NCOR1: variants seen among roughly 807,000 people sequenced by gnomAD.
NCOR1 encodes the protein nuclear receptor corepressor 1.
In NCOR1, 63 loss-of-function variants were observed where a neutral mutation model predicts 288.1. That is an observed-to-expected ratio of 0.22 (90% CI 0.18 to 0.27). The LOEUF is 0.27. NCOR1 is among the 10% of genes least tolerant of loss of function. The pLI is 1.00. For synonymous variants in NCOR1, 1,007 were observed against 1,065.9 expected (o/e 0.94, Z 1.08); for missense variants, 2,397 against 3,019.2 (o/e 0.79, Z 4.83).
chr17:16,060,545 C>CT (rs2060435217), intron 37 of NCOR1, among the ~76,000 whole-genome samples: 1 of 152,212 alleles, frequency 6.6e-6, no homozygotes, highest in African/African-American at 2.4e-5. Flanking sequence ...CTACACAACA[C>CT]TAACTCTCTC....
At chr17:16,050,656 A>G (rs2059202325) in intron 40 of NCOR1, among the ~76,000 whole-genome samples, 1 of 152,192 alleles carries the variant, frequency 6.6e-6, no homozygotes, top group Non-Finnish European at 1.5e-5. Flanking sequence ...CAGCCCATCC[A>G]GTTGTTCAAG....
In NCOR1 at chr17:16,158,843, G is replaced by A. The variant is rs1448298815; in HGVS notation, c.649C>T (p.Pro217Ser). ...QQLEEEAAKP[P>S]EPEKPVSPPP... Reference sequence around the variant, plus strand: ...GGGGACACGGGCTTCTCAGGCTCAGGAGGTTTAGCTGCCTCTTCTTCAAGC... The same window carrying A: ...GGGGACACGGGCTTCTCAGGCTCAGAAGGTTTAGCTGCCTCTTCTTCAAGC... The change falls in exon 6 of 46, where the codon CCT (proline) becomes TCT (serine). Residue 217 changes from proline (P) to serine (S), a missense_variant. Pro to Ser is a moderately conservative substitution (Grantham distance 74). This residue lies in a region of NCOR1 where 76 missense variants were observed against 102.2 expected (regional missense o/e 0.74). Coordinates refer to ENST00000268712, the MANE Select transcript of NCOR1 (RefSeq NM_006311.4). 4.3e-6 allele frequency: 7 copies of A among 1,614,068 alleles called. No homozygotes were observed. Among genetic ancestry groups the A allele is most frequent in the Middle Eastern group, 1.7e-4 (1 of 6,058 alleles).
rs1277543412 is a variant in NCOR1 at position 16,215,493 on chromosome 17, G to C, written c.-202C>G. Reference sequence around the variant, plus strand: ...GACGCTCACTCCAGCCGCCGCCGCCGCCGCGGCTGCTGCTTCGCCACCTTG... The same window carrying C: ...GACGCTCACTCCAGCCGCCGCCGCCCCCGCGGCTGCTGCTTCGCCACCTTG... On this transcript the variant is annotated 5_prime_UTR_variant, in exon 1 of 46. Transcript: ENST00000268712. The C allele has an allele frequency of 5.0e-6, 2 of 398,458 alleles. No individual in the cohort carries two copies. Among genetic ancestry groups the C allele is most frequent in the African/African-American group, 4.1e-5 (2 of 48,584 alleles). The allele number at this position is 398,458 out of a possible 1,614,324, so 24.7% of individuals were successfully genotyped here. A position where few individuals can be genotyped will look rare whatever the true frequency, so the allele number is the denominator to read the frequency against.
chr17:16,196,672 A>G (rs1271314245), intron 1 of NCOR1, among the ~76,000 whole-genome samples: 10 of 151,786 alleles, frequency 6.6e-5, no homozygotes, highest in Non-Finnish European at 7.4e-5. Flanking sequence ...AAAAATACAA[A>G]AAAGTAGCAG....
intron 30 of NCOR1, among the ~76,000 whole-genome samples, chr17:16,070,965 G>A (rs901494561): frequency 8.6e-5 from 13 of 152,046 alleles, no homozygotes; most frequent in South Asian, 2.1e-4. Context: ...GGAGGCGGAC[G>A]TTGCAGTGAG....
chr17:16,050,774 C>G (rs1332479830), intron 40 of NCOR1, among the ~76,000 whole-genome samples: 1 of 151,876 alleles, frequency 6.6e-6, no homozygotes, highest in Non-Finnish European at 1.5e-5. Context: ...TCTGTTAACT[C>G]TCTTCCATGA....
At chr17:16,048,573 C>T (rs1025464952) in intron 41 of NCOR1, among the ~76,000 whole-genome samples, 3 of 150,788 alleles carry the variant, frequency 2.0e-5, no homozygotes, top group Non-Finnish European at 3.0e-5. Flanking sequence ...TTCCCCTAGA[C>T]AAAAACATTA....
intron 1 of NCOR1, among the ~76,000 whole-genome samples, chr17:16,201,779 A>C (rs1255076652): frequency 6.6e-6 from 1 of 151,936 alleles, no homozygotes; most frequent in Admixed American, 6.6e-5. Flanking sequence ...CACTCACTCA[A>C]CTTATAAGAA....
chr17:16,142,166 G>A (rs1357023985), intron 11 of NCOR1, among the ~76,000 whole-genome samples: 1 of 152,160 alleles, frequency 6.6e-6, no homozygotes, highest in Non-Finnish European at 1.5e-5. Flanking sequence ...GTAAAGGGTA[G>A]AGCAGAGGAA....
At chr17:16,149,636 A>C (rs1005970462) in intron 8 of NCOR1, 119 bp from the exon 9 acceptor site, 1 of 431,582 alleles carries the variant, frequency 2.3e-6, no homozygotes. Flanking sequence ...TTATGATGTA[A>C]ACAAAGTTAA....
chr17:16,143,073 G>A (rs1307998247), intron 11 of NCOR1, among the ~76,000 whole-genome samples: 2 of 152,124 alleles, frequency 1.3e-5, no homozygotes, highest in Non-Finnish European at 2.9e-5. Flanking sequence ...CCTGCAGACA[G>A]ATGACTCTGA....
chr17:16,077,508 GAGAGGGGAGGGGGGGAGGAGGGGGA>G (rs2062688848), intron 26 of NCOR1, among the ~76,000 whole-genome samples: 1 of 33,894 alleles, frequency 3.0e-5, no homozygotes, highest in Non-Finnish European at 5.8e-5. Flanking sequence ...GAGAGGGGAG[GAGAGGGGAGGGGGGGAGGAGGGGGA>G]GGAGAGGGGA....
chr17:16,207,967 T>A (rs370412778), intron 1 of NCOR1, among the ~76,000 whole-genome samples: 3 of 151,116 alleles, frequency 2.0e-5, no homozygotes, highest in African/African-American at 7.3e-5. Flanking sequence ...AACTAGTCGA[T>A]ATTATTCTTT....
At chr17:16,176,561 G>A (rs1194748739) in intron 3 of NCOR1, among the ~76,000 whole-genome samples, 4 of 150,538 alleles carry the variant, frequency 2.7e-5, no homozygotes, top group African/African-American at 5.0e-5. Context: ...GAGCCACCAC[G>A]CCCGGCCTCT....
In NCOR1 at chr17:16,215,480, A is replaced by AGCC. The variant is rs897883523; in HGVS notation, c.-192_-190dup. 2.3e-4 allele frequency: 91 copies of AGCC among 398,194 alleles called. No homozygotes were observed. The highest frequency in any genetic ancestry group is 1.0e-3 in the South Asian group (8 of 7,846). 24.7% of individuals were successfully genotyped at this position (398,194 alleles called of 1,614,324 possible). A position where few individuals can be genotyped will look rare whatever the true frequency, so the allele number is the denominator to read the frequency against. On this transcript the variant is annotated 5_prime_UTR_variant, in exon 1 of 46. Transcript: ENST00000268712. The stretch of plus-strand genomic sequence containing the variant: ...GCGCGGCGAGTCGGACGCTCACTCC[A>AGCC]GCCGCCGCCGCCGCCGCGGCTGCTG...
intron 21 of NCOR1, among the ~76,000 whole-genome samples, chr17:16,094,360 C>G (rs2065945382): frequency 6.6e-6 from 1 of 152,132 alleles, no homozygotes; most frequent in Non-Finnish European, 1.5e-5. Flanking sequence ...GTTTAATGAT[C>G]TTTTTGTGGT....
chr17:16,125,207 C>T (rs1568175005), intron 15 of NCOR1, among the ~76,000 whole-genome samples: 1 of 151,368 alleles, frequency 6.6e-6, no homozygotes, highest in South Asian at 2.1e-4. Context: ...CTACTAAAAA[C>T]ACAAAATTAG....
At chr17:16,117,005 A>T (rs1226969866) in intron 18 of NCOR1, among the ~76,000 whole-genome samples, 1 of 152,194 alleles carries the variant, frequency 6.6e-6, no homozygotes, top group East Asian at 1.9e-4. Flanking sequence ...TTTGATTGAT[A>T]TTTTTATGAA....
intron 1 of NCOR1, among the ~76,000 whole-genome samples, chr17:16,210,322 T>TA (rs1412232175): frequency 6.6e-6 from 1 of 152,086 alleles, no homozygotes; most frequent in Non-Finnish European, 1.5e-5. Context: ...AGGCAGAGGT[T>TA]ATGGTGACCT....
Sources: allele counts gnomAD v4.1 joint callset (sites outside exome capture counted in the v4.1 genomes callset), GRCh38; gene constraint gnomAD v4.1.1; regional missense constraint gnomAD v4.1.1; transcripts MANE v1.5; gene names NCBI Gene and HGNC (gene_info 2026-07-23, HGNC 2026-07-21).